DCLK1: variants seen among roughly 807,000 people sequenced by gnomAD.
DCLK1 encodes serine/threonine-protein kinase DCLK1.
Under a neutral mutation model 86.2 loss-of-function variants are expected in DCLK1, and 16 were observed. The ratio of observed to expected loss-of-function variants is 0.19; its 90% CI spans 0.13 to 0.28. DCLK1 has a LOEUF of 0.28. Ranked by LOEUF, DCLK1 falls within the 10% of genes least tolerant of loss-of-function variation. DCLK1 has a pLI of 1.00. For missense variants in DCLK1, 590 were observed against 940.2 expected (o/e 0.63, Z 4.87); for synonymous variants, 369 against 370.5 (o/e 1.00, Z 0.05).
At chr13:35,861,986 T>TGC (rs1334430532) in intron 5 of DCLK1, among the ~76,000 whole-genome samples, 1 of 141,452 alleles carries the variant, frequency 7.1e-6, no homozygotes, top group Non-Finnish European at 1.5e-5. Flanking sequence ...GAGCGGAGAT[T>TGC]GCGCCCACCG....
intron 2 of DCLK1, among the ~76,000 whole-genome samples, chr13:36,118,343 G>C (rs73529423): frequency 6.6e-6 from 1 of 152,106 alleles, no homozygotes; most frequent in Non-Finnish European, 1.5e-5. Flanking sequence ...TGGATGTTAC[G>C]AGGAGTACTT....
rs1401398788 is a variant in DCLK1, at chr13:35,771,011, A to G, written c.*3524T>C. 1.3e-5 allele frequency: 2 copies of G among 152,222 alleles called. No individual in the cohort carries two copies. Among genetic ancestry groups the G allele is most frequent in the Non-Finnish European group, 1.5e-5 (1 of 68,046 alleles). The allele number at this position is 152,222 out of a possible 1,614,324, so 9.4% of individuals were successfully genotyped here. On this transcript the variant is annotated 3_prime_UTR_variant, in exon 17 of 17. Coordinates refer to ENST00000360631, the MANE Select transcript of DCLK1 (RefSeq NM_001330071.2). ...GATCCTAACCCAGAGAAGGGCTAAG[A>G]GCAACACAGTAATATTAAGAAAGCT...
rs1461974891 is a variant in DCLK1 at position 35,825,842 on chromosome 13, C to T, written c.1407+1793G>A. On this transcript the variant is annotated intron_variant, in intron 10 of 16. Coordinates refer to ENST00000360631, the MANE Select transcript of DCLK1 (RefSeq NM_001330071.2). ...TTTATTTTTTTTTGAGACAGAGTTT[C>T]GCTCTTTTTGCCCAGGCTAGAGTGC... 3.4e-5 allele frequency among the ~76,000 whole-genome samples: 5 copies of T among 148,834 alleles called. No homozygotes were observed. In the South Asian group the frequency reaches 6.3e-4, roughly 19 times the overall value.
chr13:36,024,875 A>AT (rs1362210094), intron 3 of DCLK1, among the ~76,000 whole-genome samples: 9 of 152,232 alleles, frequency 5.9e-5, no homozygotes, highest in African/African-American at 2.2e-4. Flanking sequence ...TGATACAGAC[A>AT]TAAGGACAGA....
intron 4 of DCLK1, among the ~76,000 whole-genome samples, chr13:35,904,363 T>C (rs1778995917): frequency 6.6e-6 from 1 of 152,198 alleles, no homozygotes; most frequent in South Asian, 2.1e-4. Context: ...GGCTAATTTT[T>C]GTATTTTTAG....
At position 35,949,224 on chromosome 13, in the gene DCLK1, G is replaced by A. The variant is rs141625465; in HGVS notation, c.724-1767C>T. ...AGCCAAACAGATTTGGAAAATATTT[G>A]TTTCCAAATTCTCAAAACCCTTAAT... On this transcript the variant is annotated intron_variant, in intron 3 of 16. Transcript: ENST00000360631. Among the ~76,000 whole-genome samples the A allele has an allele frequency of 2.6e-3, 397 of 152,294 alleles. 2 individuals are homozygous for A. Among genetic ancestry groups the A allele is most frequent in the African/African-American group, 9.0e-3 (372 of 41,550 alleles).
At chr13:35,948,009 G>A (rs1275399862) in intron 3 of DCLK1, among the ~76,000 whole-genome samples, 3 of 152,158 alleles carry the variant, frequency 2.0e-5, no homozygotes, top group South Asian at 2.1e-4. Context: ...GAGAGATTAT[G>A]GTAAGTGTAT....
At chr13:35,778,191 T>C (rs2086459293) in intron 16 of DCLK1, among the ~76,000 whole-genome samples, 1 of 152,228 alleles carries the variant, frequency 6.6e-6, no homozygotes, top group South Asian at 2.1e-4. Context: ...TCCGGTCCAT[T>C]CTGCACACAG....
chr13:36,092,343 AAGTGCTTAACAC>A (rs1884854839), intron 3 of DCLK1, among the ~76,000 whole-genome samples: 1 of 152,178 alleles, frequency 6.6e-6, no homozygotes, highest in African/African-American at 2.4e-5. Context: ...CATGCATATG[AAGTGCTTAACAC>A]AGTTCCTAGC....
chr13:35,804,859 C>T (rs1185355873), intron 15 of DCLK1, among the ~76,000 whole-genome samples: 1 of 152,188 alleles, frequency 6.6e-6, no homozygotes, highest in Admixed American at 6.5e-5. Flanking sequence ...GACCCGTGTA[C>T]TCAAAGAACA....
chr13:35,992,604 AT>A (rs1880284755), intron 3 of DCLK1, among the ~76,000 whole-genome samples: 1 of 152,016 alleles, frequency 6.6e-6, no homozygotes, highest in South Asian at 2.1e-4. Context: ...GGCCTTGCTG[AT>A]TTTCCTTCTA....
rs184975801 is a variant in DCLK1, at chr13:36,115,763, G to A, written c.377-3548C>T. ...AGTTTTTTTAAAAGTAAGGAAATAA[G>A]CATGAAATTATGTTTGGATCCAACT... On this transcript the variant is annotated intron_variant, in intron 2 of 16. Transcript: ENST00000360631. Among the ~76,000 whole-genome samples the A allele has an allele frequency of 1.1e-4, 16 of 151,222 alleles. No individual in the cohort carries two copies. In the East Asian group the frequency reaches 2.9e-3, roughly 28 times the overall value.
intron 4 of DCLK1, among the ~76,000 whole-genome samples, chr13:35,925,492 C>T (rs758486314): frequency 3.3e-5 from 5 of 152,080 alleles, no homozygotes; most frequent in African/African-American, 7.2e-5. Flanking sequence ...TAGGATCAGT[C>T]GAAATACAGA....
chr13:36,079,712 A>G lies in DCLK1; in HGVS notation c.723+32157T>C, dbSNP rs184770330. ...CATTATCAGGAATATTCTGTTTCTT[A>G]GAGCAAGGAAAACGAATTGCTACAA... On this transcript the variant is annotated intron_variant, in intron 3 of 16. Coordinates refer to ENST00000360631, the MANE Select transcript of DCLK1 (RefSeq NM_001330071.2). 2.4e-4 allele frequency among the ~76,000 whole-genome samples: 37 copies of G among 152,306 alleles called. No homozygotes were observed. In the East Asian group the frequency reaches 6.9e-3, roughly 29 times the overall value.
intron 3 of DCLK1, among the ~76,000 whole-genome samples, chr13:35,948,426 G>A (rs1361827): frequency 0.55 from 83,913 of 151,970 alleles, 25,594 homozygotes; most frequent in Non-Finnish European, 0.67. Flanking sequence ...AAGCCTCTCT[G>A]GAGTGCTCGA....
intron 3 of DCLK1, among the ~76,000 whole-genome samples, chr13:36,023,133 T>C (rs1459289228): frequency 6.6e-6 from 1 of 152,152 alleles, no homozygotes. Flanking sequence ...ACAGAATCAA[T>C]AGGATAGATA....
At chr13:36,013,729 G>A (rs1324913615) in intron 3 of DCLK1, among the ~76,000 whole-genome samples, 1 of 152,202 alleles carries the variant, frequency 6.6e-6, no homozygotes, top group Non-Finnish European at 1.5e-5. Context: ...AGGCAGGCAG[G>A]CTTCCTTGAG....
At chr13:36,087,364 G>T (rs893018247) in intron 3 of DCLK1, among the ~76,000 whole-genome samples, 1 of 152,140 alleles carries the variant, frequency 6.6e-6, no homozygotes, top group Non-Finnish European at 1.5e-5. Flanking sequence ...ACAAAACAGG[G>T]CATTTATCTT....
At chr13:35,903,372 T>C (rs1297697934) in intron 4 of DCLK1, among the ~76,000 whole-genome samples, 3 of 152,224 alleles carry the variant, frequency 2.0e-5, no homozygotes, top group Non-Finnish European at 4.4e-5. Flanking sequence ...TGAACAGTTT[T>C]CTAACCTCAG....
Sources: allele counts gnomAD v4.1 joint callset (sites outside exome capture counted in the v4.1 genomes callset), GRCh38; gene constraint gnomAD v4.1.1; transcripts MANE v1.5; gene names NCBI Gene and HGNC (gene_info 2026-07-23, HGNC 2026-07-21).